Variants in ANKRD18A observed in about 807,000 individuals in gnomAD.
ANKRD18A encodes ankyrin repeat domain-containing protein 18A.
Under a neutral mutation model 110.6 loss-of-function variants are expected in ANKRD18A, and 72 were observed. The observed-to-expected ratio is 0.65, with a 90% CI of 0.54 to 0.79. The LOEUF (loss-of-function observed/expected upper bound fraction) is 0.79, where lower values mean the gene tolerates loss of function less well. ANKRD18A is among the 30% of genes least tolerant of loss of function. The pLI is 0.00. For synonymous variants in ANKRD18A, 305 were observed against 410.3 expected, an observed-to-expected ratio of 0.74 and a Z score of 3.10; for missense variants, 934 against 1,163.3, an observed-to-expected ratio of 0.80 and a Z score of 2.87.
chr9:38,611,801 G>C (rs1431696884), intron 3 of ANKRD18A, among the ~76,000 whole-genome samples: 2 of 151,774 alleles, frequency 1.3e-5, no homozygotes, highest in Non-Finnish European at 2.9e-5. Context: ...CGAAAGAACT[G>C]TACCCCAACA....
At chr9:38,614,719 G>A (rs1825782373) in intron 3 of ANKRD18A, among the ~76,000 whole-genome samples, 1 of 152,090 alleles carries the variant, frequency 6.6e-6, no homozygotes, top group African/African-American at 2.4e-5. Flanking sequence ...TCCTGGGTGT[G>A]GGTATATCAG....
chr9:38,581,727 T>C (rs1824174827), intron 12 of ANKRD18A, among the ~76,000 whole-genome samples: 1 of 152,242 alleles, frequency 6.6e-6, no homozygotes, highest in African/African-American at 2.4e-5. Context: ...CTCTGTATTA[T>C]ACCGCAATGC....
chr9:38,584,143 A>T (rs1824275757), intron 12 of ANKRD18A, among the ~76,000 whole-genome samples: 1 of 152,096 alleles, frequency 6.6e-6, no homozygotes, highest in African/African-American at 2.4e-5. Context: ...CTTCCCTTTC[A>T]CTTAATAAAT....
intron 3 of ANKRD18A, among the ~76,000 whole-genome samples, chr9:38,613,577 T>G (rs1485174501): frequency 6.6e-6 from 1 of 152,236 alleles, no homozygotes; most frequent in Non-Finnish European, 1.5e-5. Flanking sequence ...GCAATCTATG[T>G]GCATATAATT....
chr9:38,582,726 T>C (rs942893334), intron 12 of ANKRD18A, among the ~76,000 whole-genome samples: 9 of 152,322 alleles, frequency 5.9e-5, no homozygotes, highest in African/African-American at 2.2e-4. Flanking sequence ...GCTAAAACTA[T>C]AAAACTCTCA....
At chr9:38,609,646 C>A (rs1825518854) in intron 5 of ANKRD18A, among the ~76,000 whole-genome samples, 1 of 151,798 alleles carries the variant, frequency 6.6e-6, no homozygotes, top group Non-Finnish European at 1.5e-5. Context: ...GCAAGTGAAT[C>A]AATGGAAACA....
chr9:38,576,117 T>C (rs1415091237), intron 14 of ANKRD18A, among the ~76,000 whole-genome samples: 2 of 152,204 alleles, frequency 1.3e-5, no homozygotes, highest in African/African-American at 4.8e-5. Context: ...CTATAAATAA[T>C]TATATGAAAA....
intron 9 of ANKRD18A, among the ~76,000 whole-genome samples, chr9:38,594,355 T>G (rs1383593903): frequency 5.3e-5 from 8 of 152,116 alleles, no homozygotes; most frequent in Non-Finnish European, 1.2e-4. Flanking sequence ...CCACCCCTCA[T>G]TAGTCTGAAA....
intron 11 of ANKRD18A, 150 bp downstream of exon 11, chr9:38,588,401 G>C: frequency 2.0e-6 from 1 of 497,658 alleles, no homozygotes; most frequent in Non-Finnish European, 3.1e-6. Flanking sequence ...AAGTTGTGTT[G>C]TCAGTTTCTG....
chr9:38,585,185 T>C (rs1055159912), intron 12 of ANKRD18A, among the ~76,000 whole-genome samples: 4 of 152,130 alleles, frequency 2.6e-5, no homozygotes, highest in African/African-American at 7.2e-5. Flanking sequence ...AAAAGATATA[T>C]TTACCCTCTA....
intron 1 of ANKRD18A, among the ~76,000 whole-genome samples, chr9:38,617,692 A>G (rs955184525): frequency 1.3e-5 from 2 of 152,194 alleles, no homozygotes; most frequent in African/African-American, 4.8e-5. Flanking sequence ...CTTCAGTGAG[A>G]TTAAGTTCTA....
chr9:38,578,242 A>G, intron 12 of ANKRD18A, 94 bp from the exon 13 acceptor site: 1 of 1,198,736 alleles, frequency 8.3e-7, no homozygotes, highest in South Asian at 1.5e-5. Flanking sequence ...ATTGACTTGA[A>G]ATAAAATGTT....
chr9:38,566,589 T>A (rs910551871), downstream of ANKRD18A: 3 of 152,200 alleles, frequency 2.0e-5, no homozygotes, highest in African/African-American at 7.2e-5. Context: ...TGCTTCCACA[T>A]TTTCAGGTAT....
At position 38,607,493 on chromosome 9, in the gene ANKRD18A, G is replaced by T. The variant is rs763233337; in HGVS notation, c.741C>A (p.Ser247Arg). ...EDYALCSDLR[S>R]IRQQILEHKN... ...TATGTTCCAAAATTTGTTGTCGGAT[G>T]CTATGCATAATAAACGTAATAAAAT... The change falls in exon 6 of 16, where the codon AGC (serine) becomes AGA (arginine). Residue 247 changes from serine to arginine, a missense_variant and splice_region_variant. Transcript: ENST00000399703. The T allele has an allele frequency of 1.4e-6, 2 of 1,473,784 alleles. No individual in the cohort carries two copies. The highest frequency in any genetic ancestry group is 2.7e-5 in the South Asian group (2 of 74,664). 91.3% of individuals were successfully genotyped at this position (1,473,784 alleles called of 1,614,324 possible).
In ANKRD18A at chr9:38,583,042, C is replaced by T. The variant is rs635781; in HGVS notation, c.2247+3141G>A. On this transcript the variant is annotated intron_variant, in intron 12 of 15. Transcript: ENST00000399703. ...TATTTCTGCAAAGAAGATATAAAGA[C>T]GGATAATAAGCACATTAATAGATGC... Among the ~76,000 whole-genome samples the T allele has an allele frequency of 1.7e-3, 255 of 152,238 alleles. 1 individual carries two copies. Among genetic ancestry groups the T allele is most frequent in the African/African-American group, 5.1e-3 (211 of 41,546 alleles).
At chr9:38,587,930 A>G (rs943187658) in intron 11 of ANKRD18A, among the ~76,000 whole-genome samples, 1 of 152,154 alleles carries the variant, frequency 6.6e-6, no homozygotes, top group Non-Finnish European at 1.5e-5. Flanking sequence ...TCTACTAAAA[A>G]TACAAAAATT....
At chr9:38,590,758 C>T (rs989901378) in intron 10 of ANKRD18A, among the ~76,000 whole-genome samples, 14 of 152,090 alleles carry the variant, frequency 9.2e-5, no homozygotes, top group Non-Finnish European at 2.1e-4. Flanking sequence ...GATTCTTCAT[C>T]TCAGAATGGT....
chr9:38,610,351 T>G lies in ANKRD18A; in HGVS notation c.662A>C (p.Gln221Pro). 1 of 1,551,298 alleles carries G rather than the reference T, an allele frequency of 6.4e-7. No homozygotes were observed. Among genetic ancestry groups the G allele is most frequent in the Non-Finnish European group, 8.7e-7 (1 of 1,146,836 alleles). The stretch of plus-strand genomic sequence containing the variant: ...TTGAGAAGAGATACGTATATTTTGT[T>G]GAAGCAGGAGGGTGACGATACTTGA... The part of the protein sequence containing the change: ...NLSSIVTLLL[Q>P]QNIRISSQDM... The change falls in exon 5 of 16, where the codon CAA becomes CCA. Residue 221 changes from glutamine (Q) to proline (P), a missense_variant. Physicochemically the swap from Gln to Pro is moderately conservative, Grantham distance 76 (BLOSUM62 -1). Transcript: ENST00000399703.
downstream of ANKRD18A, chr9:38,568,923 G>A (rs1331499620): frequency 2.0e-6 from 2 of 985,346 alleles, no homozygotes; most frequent in Non-Finnish European, 2.4e-6. Context: ...ACAAGATGCT[G>A]CTGGCTGCCA....
Sources: gnomAD v4.1 joint callset for allele counts (sites outside exome capture counted in the v4.1 genomes callset) on GRCh38, gnomAD v4.1.1 for gene constraint, MANE v1.5 for transcripts, NCBI Gene and HGNC (gene_info 2026-07-23, HGNC 2026-07-21) for gene names.